Variants in RIMS2 observed in about 807,000 individuals in gnomAD.
RIMS2 encodes the protein regulating synaptic membrane exocytosis 2.
A neutral mutation model predicts 174.4 loss-of-function variants in RIMS2; 59 were observed. That is an observed-to-expected ratio of 0.34 (90% CI 0.27 to 0.42). The LOEUF is 0.42. RIMS2 is among the 10% of genes least tolerant of loss of function. RIMS2 has a pLI of 1.00. For missense variants in RIMS2, 1,620 were observed against 1,666.3 expected (o/e 0.97, Z 0.48); for synonymous variants, 606 against 572.5 (o/e 1.06, Z -0.84).
intron 4 of RIMS2, among the ~76,000 whole-genome samples, chr8:103,902,036 C>A (rs2073249101): frequency 6.6e-6 from 1 of 152,168 alleles, no homozygotes; most frequent in Admixed American, 6.6e-5. Flanking sequence ...CCTACAGTTA[C>A]AATCAAGTTG....
rs142361125 is a variant in RIMS2 at position 103,909,482 on chromosome 8, T to C, written c.1625-652T>C. Among the ~76,000 whole-genome samples, 1,295 of 152,230 alleles carry C rather than the reference T, an allele frequency of 8.5e-3. 19 individuals are homozygous for C. The highest frequency in any genetic ancestry group is 0.029 in the African/African-American group (1,221 of 41,578). On this transcript the variant is annotated intron_variant, in intron 4 of 23. Transcript: ENST00000504942. ...AAAATGTGGAAAAATTATTTCAAAA[T>C]ATTAAGTGATTCATGATGTTTAAGT...
At chr8:103,847,893 G>C (rs912882951) in intron 3 of RIMS2, among the ~76,000 whole-genome samples, 2 of 152,018 alleles carry the variant, frequency 1.3e-5, no homozygotes, top group African/African-American at 4.8e-5. Flanking sequence ...GGTGGGTGGA[G>C]TTGGTGAGGA....
At chr8:103,987,483 A>G in intron 16 of RIMS2, among the ~76,000 whole-genome samples, 1 of 152,338 alleles carries the variant, frequency 6.6e-6, no homozygotes, top group Admixed American at 6.5e-5. Flanking sequence ...CTAAACTAGA[A>G]GAGAACCACC....
At chr8:104,130,978 G>C (rs908441063) in intron 19 of RIMS2, among the ~76,000 whole-genome samples, 3 of 152,118 alleles carry the variant, frequency 2.0e-5, no homozygotes, top group Non-Finnish European at 4.4e-5. Flanking sequence ...TCAATGTTAC[G>C]CATAGGTCAG....
intron 17 of RIMS2, among the ~76,000 whole-genome samples, chr8:104,011,017 C>T (rs2095745391): frequency 2.0e-5 from 3 of 152,036 alleles, no homozygotes; most frequent in African/African-American, 7.2e-5. Flanking sequence ...ATTATATATT[C>T]TCATCTTAAA....
At chr8:103,921,041 A>ACAACAG (rs1491579543) in intron 9 of RIMS2, 2 of 222,390 alleles carry the variant, frequency 9.0e-6, no homozygotes, top group Non-Finnish European at 1.8e-5. Context: ...AACAACAACA[A>ACAACAG]CAACAAAAAC....
intron 1 of RIMS2, among the ~76,000 whole-genome samples, chr8:103,584,638 T>C (rs61301281): frequency 2.6e-5 from 4 of 152,108 alleles, no homozygotes; most frequent in Non-Finnish European, 5.9e-5. Context: ...GCTTGTTTGT[T>C]TATGCAAATA....
At chr8:103,980,350 T>A (rs1448995895) in intron 16 of RIMS2, among the ~76,000 whole-genome samples, 2 of 152,018 alleles carry the variant, frequency 1.3e-5, no homozygotes, top group Non-Finnish European at 2.9e-5. Flanking sequence ...GTTGCTGCCT[T>A]GAAGGGAAGG....
At chr8:103,954,481 A>G (rs1386125958) in intron 14 of RIMS2, among the ~76,000 whole-genome samples, 2 of 152,244 alleles carry the variant, frequency 1.3e-5, no homozygotes, top group Admixed American at 1.3e-4. Context: ...TGGAAACTGA[A>G]CAACCTGCTC....
At chr8:104,151,876 A>T (rs1265925451) in intron 19 of RIMS2, among the ~76,000 whole-genome samples, 1 of 152,180 alleles carries the variant, frequency 6.6e-6, no homozygotes, top group African/African-American at 2.4e-5. Flanking sequence ...AATTGCGCGG[A>T]GGAAGAGCCC....
At chr8:104,186,278 T>A (rs1332066166) in intron 19 of RIMS2, among the ~76,000 whole-genome samples, 1 of 151,592 alleles carries the variant, frequency 6.6e-6, no homozygotes, top group East Asian at 1.9e-4. Flanking sequence ...ATGGGTACAA[T>A]GTATATTATT....
chr8:103,545,847 C>T (rs930867304), intron 1 of RIMS2, among the ~76,000 whole-genome samples: 20 of 152,260 alleles, frequency 1.3e-4, no homozygotes, highest in Admixed American at 1.1e-3. Flanking sequence ...AATTCATTAT[C>T]GCTGGACCTG....
chr8:104,068,295 C>T (rs12547586), intron 19 of RIMS2, among the ~76,000 whole-genome samples: 5,244 of 152,130 alleles, frequency 0.034, 157 homozygotes, highest in East Asian at 0.13. Context: ...ATATTTTATT[C>T]AGATTGAAAT....
intron 3 of RIMS2, among the ~76,000 whole-genome samples, chr8:103,832,521 C>T (rs1203964229): frequency 6.6e-6 from 1 of 151,974 alleles, no homozygotes; most frequent in Non-Finnish European, 1.5e-5. Context: ...TTTTCTGATC[C>T]TCTCCCTTCT....
chr8:103,912,321 A>G (rs981012284), intron 6 of RIMS2, 149 bp downstream of exon 9: 1 of 466,230 alleles, frequency 2.1e-6, no homozygotes, highest in Non-Finnish European at 3.7e-6. Flanking sequence ...TATCTAAAAC[A>G]TTTCATTTTC....
chr8:103,507,655 G>A (rs1824321527), intron 1 of RIMS2, among the ~76,000 whole-genome samples: 1 of 152,070 alleles, frequency 6.6e-6, no homozygotes, highest in South Asian at 2.1e-4. Flanking sequence ...TACAGTGTTT[G>A]TGTATGATTG....
intron 19 of RIMS2, among the ~76,000 whole-genome samples, chr8:104,141,557 C>T (rs932390308): frequency 8.5e-5 from 13 of 152,210 alleles, no homozygotes; most frequent in African/African-American, 3.1e-4. Context: ...TATGTTCTCA[C>T]AGTCTTAGGA....
intron 3 of RIMS2, among the ~76,000 whole-genome samples, chr8:103,776,375 C>T (rs915283122): frequency 6.6e-6 from 1 of 152,000 alleles, no homozygotes; most frequent in Non-Finnish European, 1.5e-5. Context: ...TCAGTTTAGT[C>T]ATGATCCATT....
intron 1 of RIMS2, among the ~76,000 whole-genome samples, chr8:103,604,740 T>A (rs1212815621): frequency 1.5e-5 from 2 of 130,614 alleles, no homozygotes; most frequent in Non-Finnish European, 3.2e-5. Context: ...GATTCCTAGG[T>A]ATTTTATTCT....
Sources: allele counts gnomAD v4.1 joint callset (sites outside exome capture counted in the v4.1 genomes callset), GRCh38; gene constraint gnomAD v4.1.1; transcripts MANE v1.5; gene names NCBI Gene and HGNC (gene_info 2026-07-23, HGNC 2026-07-21).